The following CLVS1 variants were observed in gnomAD, a reference collection of about 807,000 sequenced individuals.
CLVS1 encodes clavesin-1.
A neutral mutation model predicts 33.1 loss-of-function variants in CLVS1; 10 were observed. The observed-to-expected ratio is 0.30, with a 90% confidence interval of 0.19 to 0.51. CLVS1 has a LOEUF of 0.51. Ranked by LOEUF, CLVS1 falls within the 20% of genes least tolerant of loss-of-function variation. CLVS1 has a pLI of 0.97. For missense variants in CLVS1, 343 were observed against 433.4 expected, an observed-to-expected ratio of 0.79 and a Z score of 1.85; for synonymous variants, 163 against 166.1, an observed-to-expected ratio of 0.98 and a Z score of 0.14.
chr8:61,201,172 A>C (rs1392354659), intron 2 of CLVS1, among the ~76,000 whole-genome samples: 1 of 152,188 alleles, frequency 6.6e-6, no homozygotes, highest in Non-Finnish European at 1.5e-5. Context: ...TTGTAATAGA[A>C]CCATGTATCT....
At chr8:61,330,294 G>T (rs533256885) in intron 2 of CLVS1, among the ~76,000 whole-genome samples, 97 of 152,238 alleles carry the variant, frequency 6.4e-4, no homozygotes, top group African/African-American at 2.3e-3. Flanking sequence ...GGGTTCTCGT[G>T]CAAGTCCAGG....
At chr8:61,237,857 A>T (rs2129313568) in intron 2 of CLVS1, among the ~76,000 whole-genome samples, 2 of 150,956 alleles carry the variant, frequency 1.3e-5, no homozygotes, top group East Asian at 4.6e-4. Context: ...AGCCCAGAGG[A>T]TGTGTGGTGG....
chr8:61,236,837 C>A (rs768306022), intron 2 of CLVS1, among the ~76,000 whole-genome samples: 2 of 152,114 alleles, frequency 1.3e-5, no homozygotes, highest in Non-Finnish European at 2.9e-5. Context: ...ACAGAGCTGG[C>A]GCAGGGAATT....
At chr8:61,002,219 G>A in the CLVS1 span, among the ~76,000 whole-genome samples, 93 of 151,976 alleles carry the variant, frequency 6.1e-4, 2 homozygotes, top group East Asian at 0.018. Context: ...TGGGCTCAAG[G>A]GATCCTCTCA....
chr8:61,444,612 A>C (rs963450542), intron 3 of CLVS1, among the ~76,000 whole-genome samples: 1 of 152,214 alleles, frequency 6.6e-6, no homozygotes, highest in Non-Finnish European at 1.5e-5. Flanking sequence ...AGTTTGTTAC[A>C]CTCACAGATC....
At chr8:61,277,249 A>G in intron 2 of CLVS1, among the ~76,000 whole-genome samples, 1 of 152,208 alleles carries the variant, frequency 6.6e-6, no homozygotes, top group Non-Finnish European at 1.5e-5. Context: ...CAAGGTGCAC[A>G]GCTGATGGAT....
chr8:61,089,337 A>G (rs1805188070), intron 1 of CLVS1, among the ~76,000 whole-genome samples: 1 of 152,212 alleles, frequency 6.6e-6, no homozygotes, highest in Non-Finnish European at 1.5e-5. Flanking sequence ...ATGACAAATT[A>G]TTCTAGAACA....
chr8:60,984,961 G>A, the CLVS1 span, among the ~76,000 whole-genome samples: 2 of 152,148 alleles, frequency 1.3e-5, no homozygotes, highest in Non-Finnish European at 1.5e-5. Context: ...GTCTGTAAGT[G>A]TTCTGTAAGC....
chr8:61,006,176 C>A, the CLVS1 span, among the ~76,000 whole-genome samples: 2 of 152,146 alleles, frequency 1.3e-5, no homozygotes, highest in African/African-American at 2.4e-5. Context: ...AGGGAAGGGA[C>A]AAATCGGAAA....
chr8:61,020,871 A>G, the CLVS1 span, among the ~76,000 whole-genome samples: 1 of 152,324 alleles, frequency 6.6e-6, no homozygotes, highest in South Asian at 2.1e-4. Flanking sequence ...GAATTACTCC[A>G]GAGCCACACT....
At chr8:60,976,754 C>T in the CLVS1 span, among the ~76,000 whole-genome samples, 7 of 152,366 alleles carry the variant, frequency 4.6e-5, no homozygotes, top group Admixed American at 3.9e-4. Flanking sequence ...GGCTACCGCC[C>T]TCATCCCCTA....
chr8:61,085,853 C>T (rs1011214256), intron 1 of CLVS1, among the ~76,000 whole-genome samples: 1 of 151,536 alleles, frequency 6.6e-6, no homozygotes, highest in Non-Finnish European at 1.5e-5. Flanking sequence ...GAAACCCCAC[C>T]TCTACTAAAA....
chr8:61,332,866 C>A (rs1178813216), intron 2 of CLVS1, among the ~76,000 whole-genome samples: 1 of 152,160 alleles, frequency 6.6e-6, no homozygotes, highest in African/African-American at 2.4e-5. Flanking sequence ...AACTCCTGAC[C>A]TCAGGTAATC....
At chr8:61,121,204 G>T (rs1267982643) in intron 1 of CLVS1, among the ~76,000 whole-genome samples, 2 of 152,018 alleles carry the variant, frequency 1.3e-5, no homozygotes, top group Non-Finnish European at 2.9e-5. Flanking sequence ...CGCTTCCAAA[G>T]TGAGGCAATG....
chr8:61,127,527 A>AT (rs919243464), intron 1 of CLVS1, among the ~76,000 whole-genome samples: 3 of 151,998 alleles, frequency 2.0e-5, no homozygotes, highest in East Asian at 1.9e-4. Flanking sequence ...AGCCTCAAGC[A>AT]TTTTTTTAAG....
chr8:61,439,130 T>C (rs573620318), intron 3 of CLVS1, among the ~76,000 whole-genome samples: 1 of 152,222 alleles, frequency 6.6e-6, no homozygotes, highest in Non-Finnish European at 1.5e-5. Context: ...CATGATCTTA[T>C]GAGTTTAAGC....
intron 2 of CLVS1, among the ~76,000 whole-genome samples, chr8:61,191,198 C>T (rs964725360): frequency 2.6e-5 from 4 of 152,212 alleles, no homozygotes; most frequent in Non-Finnish European, 4.4e-5. Flanking sequence ...GGCTTCATCC[C>T]TGGGATGCAA....
At chr8:61,366,846 T>G (rs1416061605) in intron 2 of CLVS1, among the ~76,000 whole-genome samples, 2 of 152,178 alleles carry the variant, frequency 1.3e-5, no homozygotes, top group Non-Finnish European at 2.9e-5. Context: ...TCACATTTGG[T>G]AGACACTACC....
chr8:61,081,091 G>A (rs1029945799), intron 1 of CLVS1, among the ~76,000 whole-genome samples: 1 of 152,150 alleles, frequency 6.6e-6, no homozygotes, highest in South Asian at 2.1e-4. Flanking sequence ...TAAGTGTTAG[G>A]ACTAGGAATG....
Sources: gnomAD v4.1 joint callset for allele counts (sites outside exome capture counted in the v4.1 genomes callset) on GRCh38, gnomAD v4.1.1 for gene constraint, MANE v1.5 for transcripts, NCBI Gene and HGNC (gene_info 2026-07-23, HGNC 2026-07-21) for gene names.